The following CHCHD3 variants were observed in gnomAD, a reference collection of about 807,000 sequenced individuals.
CHCHD3 encodes MICOS complex subunit MIC19.
In CHCHD3, 20 loss-of-function variants were observed where a neutral mutation model predicts 38.2. The observed-to-expected ratio is 0.52, with a 90% CI of 0.37 to 0.76. The LOEUF (loss-of-function observed/expected upper bound fraction) is 0.76. CHCHD3 is among the 30% of genes least tolerant of loss of function. The pLI is 0.00. For synonymous variants in CHCHD3, 82 were observed against 100.0 expected, an observed-to-expected ratio of 0.82 and a Z score of 1.07; for missense variants, 245 against 279.2, an observed-to-expected ratio of 0.88 and a Z score of 0.87.
chr7:132,812,598 T>C (rs1043646551), intron 6 of CHCHD3, among the ~76,000 whole-genome samples: 4 of 152,162 alleles, frequency 2.6e-5, no homozygotes, highest in African/African-American at 9.7e-5. Flanking sequence ...GCCTCCCATG[T>C]AGTCCCTCTG....
At chr7:132,989,863 A>G (rs1269118957) in intron 3 of CHCHD3, among the ~76,000 whole-genome samples, 1 of 152,186 alleles carries the variant, frequency 6.6e-6, no homozygotes, top group East Asian at 1.9e-4. Flanking sequence ...CGAGATCATC[A>G]GCTTTTTATC....
At chr7:132,917,915 T>C (rs1156967914) in intron 4 of CHCHD3, among the ~76,000 whole-genome samples, 1 of 146,916 alleles carries the variant, frequency 6.8e-6, no homozygotes, top group African/African-American at 2.5e-5. Context: ...TCAAATTATA[T>C]ACATAAAAGC....
chr7:132,791,018 G>GAT (rs1806447495), intron 7 of CHCHD3, among the ~76,000 whole-genome samples: 1 of 152,198 alleles, frequency 6.6e-6, no homozygotes, highest in South Asian at 2.1e-4. Context: ...TATAGGGAGT[G>GAT]ATAGCTCCCC....
chr7:132,857,003 T>A (rs1203223476), intron 5 of CHCHD3, among the ~76,000 whole-genome samples: 4 of 152,146 alleles, frequency 2.6e-5, no homozygotes, highest in Non-Finnish European at 4.4e-5. Context: ...CTTGCTGCAG[T>A]TTTTGGTTTA....
intron 6 of CHCHD3, among the ~76,000 whole-genome samples, chr7:132,837,991 A>G (rs1315562907): frequency 2.0e-5 from 3 of 152,166 alleles, no homozygotes; most frequent in African/African-American, 7.2e-5. Flanking sequence ...AAACAGCCTA[A>G]CCACGAGAAA....
At chr7:133,037,023 G>A (rs1813699375) in intron 2 of CHCHD3, among the ~76,000 whole-genome samples, 1 of 152,132 alleles carries the variant, frequency 6.6e-6, no homozygotes, top group South Asian at 2.1e-4. Flanking sequence ...TTTAGCTTCT[G>A]ATCATCAAGA....
chr7:132,982,625 G>T (rs1811947569), intron 3 of CHCHD3, among the ~76,000 whole-genome samples: 1 of 152,208 alleles, frequency 6.6e-6, no homozygotes, highest in South Asian at 2.1e-4. Context: ...CAGAAAAAGA[G>T]TTAGCATTTA....
chr7:132,799,632 A>G (rs1358592031), intron 6 of CHCHD3, among the ~76,000 whole-genome samples: 1 of 152,220 alleles, frequency 6.6e-6, no homozygotes, highest in Non-Finnish European at 1.5e-5. Flanking sequence ...AACTTAAAAC[A>G]CTAATAAAGA....
chr7:132,954,858 C>T (rs560100274), intron 4 of CHCHD3, among the ~76,000 whole-genome samples: 157 of 152,294 alleles, frequency 1.0e-3, no homozygotes, highest in African/African-American at 3.6e-3. Context: ...TGTGGTCCTA[C>T]TCAGATAAAG....
At chr7:132,800,268 T>A (rs2117035007) in intron 6 of CHCHD3, among the ~76,000 whole-genome samples, 1 of 152,322 alleles carries the variant, frequency 6.6e-6, no homozygotes, top group South Asian at 2.1e-4. Context: ...ATTATTACCT[T>A]AGGAGACTTT....
rs141726256 is a variant in CHCHD3 at position 132,842,281 on chromosome 7, A to G, written c.454-3812T>C. ...GGGATTTTATATATTCTTGAATACT[A>G]AACTGTTGCAGTGTATACACAATAC... On this transcript the variant is annotated intron_variant, in intron 5 of 7. Transcript: ENST00000262570. 3.3e-3 allele frequency among the ~76,000 whole-genome samples: 507 copies of G among 152,236 alleles called. 3 individuals carry two copies. Among genetic ancestry groups the G allele is most frequent in the African/African-American group, 0.011 (474 of 41,554 alleles).
chr7:132,873,208 T>C (rs192315170), intron 5 of CHCHD3, among the ~76,000 whole-genome samples: 7 of 152,124 alleles, frequency 4.6e-5, no homozygotes, highest in African/African-American at 1.7e-4. Flanking sequence ...GGAGAGGCCA[T>C]TGGTGAGGAG....
At chr7:132,903,383 G>A (rs1256038068) in intron 4 of CHCHD3, among the ~76,000 whole-genome samples, 1 of 152,138 alleles carries the variant, frequency 6.6e-6, no homozygotes, top group Non-Finnish European at 1.5e-5. Context: ...ATCTGCAGAT[G>A]CAGAAGCCGT....
At chr7:132,945,775 C>T (rs1269380901) in intron 4 of CHCHD3, among the ~76,000 whole-genome samples, 3 of 151,884 alleles carry the variant, frequency 2.0e-5, no homozygotes, top group Admixed American at 2.0e-4. Flanking sequence ...ACTAGGCACA[C>T]AGGAGGTGCT....
chr7:132,838,371 AATAATT>A, intron 6 of CHCHD3, 22 bp downstream of exon 6: 1 of 1,454,836 alleles, frequency 6.9e-7, no homozygotes, highest in Non-Finnish European at 9.6e-7. Context: ...AAGAATAGTA[AATAATT>A]ATAATACTAT....
At chr7:132,988,751 CA>C (rs201997081) in intron 3 of CHCHD3, among the ~76,000 whole-genome samples, 2 of 150,554 alleles carry the variant, frequency 1.3e-5, no homozygotes, top group Non-Finnish European at 1.5e-5. Flanking sequence ...CCATCTCTAA[CA>C]AAAAAAAATT....
intron 3 of CHCHD3, among the ~76,000 whole-genome samples, chr7:132,981,527 T>G (rs372002454): frequency 3.3e-5 from 5 of 152,244 alleles, no homozygotes; most frequent in African/African-American, 9.6e-5. Context: ...CTTTTAAAAT[T>G]TGTGTATACT....
At chr7:132,877,764 C>G (rs560545920) in intron 5 of CHCHD3, among the ~76,000 whole-genome samples, 1 of 115,126 alleles carries the variant, frequency 8.7e-6, no homozygotes, top group South Asian at 2.7e-4. Flanking sequence ...CTATAGAAAC[C>G]ACAGGGAATC....
At chr7:133,019,810 TCA>T (rs1379654960) in intron 3 of CHCHD3, among the ~76,000 whole-genome samples, 1 of 152,146 alleles carries the variant, frequency 6.6e-6, no homozygotes, top group Non-Finnish European at 1.5e-5. Context: ...TCAGAAGTAG[TCA>T]CATTTTTCTA....
Sources: gnomAD v4.1 joint callset for allele counts (sites outside exome capture counted in the v4.1 genomes callset) on GRCh38, gnomAD v4.1.1 for gene constraint, MANE v1.5 for transcripts, NCBI Gene and HGNC (gene_info 2026-07-23, HGNC 2026-07-21) for gene names.